PDE6B: variants seen among roughly 807,000 people sequenced by gnomAD.
PDE6B encodes the protein phosphodiesterase 6B.
PDE6B carries 106 observed loss-of-function variants against 109.0 expected under a neutral mutation model. The observed-to-expected ratio is 0.97, with a 90% CI of 0.83 to 1.14. PDE6B has a LOEUF of 1.14. PDE6B is among the 50% of genes most tolerant of loss of function. PDE6B has a pLI of 0.00. For missense variants in PDE6B, 1,193 were observed against 1,155.6 expected (o/e 1.03, Z -0.47); for synonymous variants, 490 against 471.3 (o/e 1.04, Z -0.51).
intron 17 of PDE6B, among the ~76,000 whole-genome samples, chr4:664,560 T>C (rs1290028692): frequency 6.6e-6 from 1 of 152,036 alleles, no homozygotes; most frequent in East Asian, 1.9e-4. Flanking sequence ...AAAATACACA[T>C]AAACCCAGCA....
chr4:644,809 C>A (rs1735121721), intron 3 of PDE6B, among the ~76,000 whole-genome samples: 1 of 152,024 alleles, frequency 6.6e-6, no homozygotes. Flanking sequence ...GGATGACAGG[C>A]GTGAGCCACC....
chr4:661,489 C>G (rs1560131395), intron 12 of PDE6B: 1 of 153,976 alleles, frequency 6.5e-6, no homozygotes, highest in Non-Finnish European at 1.4e-5. Flanking sequence ...CTTCCCACAG[C>G]CCTAGGAAGA....
intron 3 of PDE6B, among the ~76,000 whole-genome samples, chr4:639,835 G>A (rs1024803581): frequency 6.6e-6 from 1 of 152,072 alleles, no homozygotes; most frequent in African/African-American, 2.4e-5. Flanking sequence ...GCCAGACATG[G>A]TGGCGCATGC....
At chr4:669,885 T>C (rs1274834502) in intron 21 of PDE6B, among the ~76,000 whole-genome samples, 161 bp from the exon 22 acceptor site, 1 of 152,122 alleles carries the variant, frequency 6.6e-6, no homozygotes, top group Non-Finnish European at 1.5e-5. Context: ...GCTAAAGCAC[T>C]AAGAAAGGCT....
chr4:658,188 C>T (rs1374760011), intron 10 of PDE6B, among the ~76,000 whole-genome samples: 3 of 108,862 alleles, frequency 2.8e-5, no homozygotes, highest in Non-Finnish European at 5.5e-5. Flanking sequence ...GGGGGCAAGT[C>T]GCCAGGGGTC....
rs1734695150 is a variant in PDE6B, at chr4:636,621, G to A, written c.711+652G>A. Among the ~76,000 whole-genome samples, 1 of 152,196 alleles carries A rather than the reference G, an allele frequency of 6.6e-6. No homozygotes were observed. The highest frequency in any genetic ancestry group is 1.5e-5 in the Non-Finnish European group (1 of 68,018). ...GGGCTGGGAAGCCGTCCATGCAATG[G>A]CCTGGGGGCTGAGCCACAAAGGAGA... On this transcript the variant is annotated intron_variant, in intron 3 of 21. Transcript: ENST00000496514. The surrounding 1 kb of genome is among the most constrained non-coding windows in gnomAD (Gnocchi z 4.5).
Position 662,159 on chromosome 4 carries a change from T to C in PDE6B, c.1640T>C (p.Ile547Thr). The C allele has an allele frequency of 1.9e-6, 3 of 1,573,180 alleles. No homozygotes were observed. Among genetic ancestry groups the C allele is most frequent in the Non-Finnish European group, 2.6e-6 (3 of 1,158,428 alleles). ...QEVLVRFLFS[I>T]SKGYRRITYH... Reference sequence around the variant, plus strand: ...GTCCTGGTGCGGTTCCTGTTCTCCATCAGCAAAGGGTACCGGAGAATCACC... The same window carrying C: ...GTCCTGGTGCGGTTCCTGTTCTCCACCAGCAAAGGGTACCGGAGAATCACC... The change falls in exon 13 of 22, where the codon ATC becomes ACC. Residue 547 changes from isoleucine (I) to threonine (T), a missense_variant. Ile to Thr is a moderately conservative substitution (Grantham distance 89). Transcript: ENST00000496514. This position sits in a 1 kb window ranked among gnomAD's most constrained non-coding sequence, Gnocchi z 4.3.
intron 3 of PDE6B, among the ~76,000 whole-genome samples, chr4:646,845 T>C (rs1735229046): frequency 6.6e-6 from 1 of 151,918 alleles, no homozygotes; most frequent in Admixed American, 6.6e-5. Flanking sequence ...CTTTAGCATA[T>C]TGATCATCAT....
rs1372993718 is a variant in PDE6B, at chr4:636,813, AG to A, written c.711+847del. Among the ~76,000 whole-genome samples the A allele has an allele frequency of 6.6e-6, 1 of 152,192 alleles. No homozygotes were observed. The highest frequency in any genetic ancestry group is 2.4e-5 in the African/African-American group (1 of 41,458). Reference sequence around the variant, plus strand: ...GGTTTAGGGGCCTCCTCCTGGCCCCAGGGCTGCCTCAGGGGCAGTCTGGAAA... The same window carrying A: ...GGTTTAGGGGCCTCCTCCTGGCCCCAGGCTGCCTCAGGGGCAGTCTGGAAA... On this transcript the variant is annotated intron_variant, in intron 3 of 21. Coordinates refer to ENST00000496514, the MANE Select transcript of PDE6B (RefSeq NM_000283.4). The surrounding 1 kb of genome is among the most constrained non-coding windows in gnomAD (Gnocchi z 4.5).
Position 662,446 on chromosome 4 carries a change from C to G in PDE6B, c.1723-63C>G. The G allele has an allele frequency of 8.4e-7, 1 of 1,187,868 alleles. No homozygotes were observed. Among genetic ancestry groups the G allele is most frequent in the South Asian group, 1.2e-5 (1 of 82,310 alleles). 73.6% of individuals were successfully genotyped at this position (1,187,868 alleles called of 1,614,324 possible). A position where few individuals can be genotyped will look rare whatever the true frequency, so the allele number is the denominator to read the frequency against. On this transcript the variant is annotated intron_variant, in intron 13 of 21. Transcript: ENST00000496514. This position sits in a 1 kb window ranked among gnomAD's most constrained non-coding sequence, Gnocchi z 4.3. ...AACCCGACGCCTAGGTCATCCCAACCCCTCACCACTCCCCACCCTGCTGGA... is the reference window on the plus strand; with the variant it reads ...AACCCGACGCCTAGGTCATCCCAACGCCTCACCACTCCCCACCCTGCTGGA...
At chr4:649,124 C>T (rs1048383868) in intron 3 of PDE6B, among the ~76,000 whole-genome samples, 10 of 152,192 alleles carry the variant, frequency 6.6e-5, no homozygotes, top group African/African-American at 1.9e-4. Flanking sequence ...TCTGCCGTAG[C>T]GAAGCCCCGA....
At chr4:660,636 T>C in intron 12 of PDE6B, 23 bp downstream of exon 12, 9 of 1,610,928 alleles carry the variant, frequency 5.6e-6, no homozygotes, top group Non-Finnish European at 6.8e-6. Context: ...GCAGGGCGCA[T>C]AGTCAGGTCC....
rs34391278 is a variant in PDE6B at position 634,498 on chromosome 4, C to T, written c.469-179C>T. 0.029 allele frequency among the ~76,000 whole-genome samples: 4,436 copies of T among 152,262 alleles called. 66 individuals are homozygous for T. Among genetic ancestry groups the T allele is most frequent in the Middle Eastern group, 0.041 (12 of 294 alleles). On this transcript the variant is annotated intron_variant, in intron 1 of 21. Coordinates refer to ENST00000496514, the MANE Select transcript of PDE6B (RefSeq NM_000283.4). The stretch of plus-strand genomic sequence containing the variant: ...GGGGTGCATGGAGCCAGGCTGGAGC[C>T]ACAGGGACAGGCCCAGCTTTCACCG...
At chr4:669,765 G>A in intron 21 of PDE6B, among the ~76,000 whole-genome samples, 1 of 144,494 alleles carries the variant, frequency 6.9e-6, no homozygotes. Flanking sequence ...CCTACCCCAT[G>A]CTATCCCCCT....
rs753620485 is a variant in PDE6B, at chr4:636,000, C to T, written c.711+31C>T. 2.2e-5 allele frequency: 29 copies of T among 1,331,716 alleles called. 1 individual carries two copies. Among genetic ancestry groups the T allele is most frequent in the South Asian group, 4.7e-5 (4 of 85,556 alleles). The allele number at this position is 1,331,716 out of a possible 1,614,324, so 82.5% of individuals were successfully genotyped here. A position where few individuals can be genotyped will look rare whatever the true frequency, so the allele number is the denominator to read the frequency against. ...CACACGCTGAGCACAGCTCTGCCCA[C>T]GAGGGCCAGGGTCCCTCCGCCCATC... is the stretch of plus-strand genomic sequence containing the variant. On this transcript the variant is annotated intron_variant, in intron 3 of 21. Coordinates refer to ENST00000496514, the MANE Select transcript of PDE6B (RefSeq NM_000283.4).
intron 10 of PDE6B, among the ~76,000 whole-genome samples, 155 bp from the exon 11 acceptor site, chr4:658,796 AT>A (rs979341604): frequency 6.6e-6 from 1 of 152,174 alleles, no homozygotes; most frequent in Non-Finnish European, 1.5e-5. Context: ...GCACACGGTC[AT>A]TTGTCTCCAG....
At chr4:647,126 A>G (rs958847556) in intron 3 of PDE6B, among the ~76,000 whole-genome samples, 1 of 152,050 alleles carries the variant, frequency 6.6e-6, no homozygotes, top group African/African-American at 2.4e-5. Context: ...CCAAAGCACT[A>G]GAATTACAGG....
At chr4:655,275 CGA>C (rs1485067538) in intron 6 of PDE6B, 14 of 318,576 alleles carry the variant, frequency 4.4e-5, no homozygotes, top group African/African-American at 2.8e-4. Context: ...GCCAGGAGGC[CGA>C]GTCTTGGCCC....
At chr4:643,096 TC>T (rs1168171669) in intron 3 of PDE6B, among the ~76,000 whole-genome samples, 1 of 151,664 alleles carries the variant, frequency 6.6e-6, no homozygotes, top group South Asian at 2.1e-4. Context: ...GATCACGAGG[TC>T]AAGAGATTGA....
Sources: allele counts gnomAD v4.1 joint callset (sites outside exome capture counted in the v4.1 genomes callset), GRCh38; gene constraint gnomAD v4.1.1; non-coding constraint Gnocchi (gnomAD v3.1); transcripts MANE v1.5; gene names NCBI Gene and HGNC (gene_info 2026-07-23, HGNC 2026-07-21).